Variants in TMC1 observed in about 807,000 individuals in gnomAD.
The protein encoded by TMC1 is transmembrane channel like 1.
Under a neutral mutation model 105.8 loss-of-function variants are expected in TMC1, and 84 were observed. The ratio of observed to expected loss-of-function variants is 0.79; its 90% confidence interval spans 0.67 to 0.95. TMC1 has a LOEUF of 0.95. Among genes scored for constraint, TMC1 ranks in the 40% least tolerant of loss-of-function variants. The pLI is 0.00. For synonymous variants in TMC1, 315 were observed against 311.5 expected (o/e 1.01, Z -0.12); for missense variants, 817 against 914.1 (o/e 0.89, Z 1.37).
chr9:72,673,295 G>T (rs543018964), intron 5 of TMC1, among the ~76,000 whole-genome samples: 1 of 100,130 alleles, frequency 1.0e-5, no homozygotes. Flanking sequence ...GAAGAAACTA[G>T]AAAAACAAAA....
intron 13 of TMC1, among the ~76,000 whole-genome samples, chr9:72,779,639 CA>C (rs763960842): frequency 9.3e-4 from 142 of 152,292 alleles, no homozygotes; most frequent in Non-Finnish European, 1.5e-3. Context: ...AGGAGCAGAA[CA>C]GCCCAAGCTG....
chr9:72,796,445 A>T (rs924700429), intron 17 of TMC1, among the ~76,000 whole-genome samples: 1 of 152,100 alleles, frequency 6.6e-6, no homozygotes, highest in Non-Finnish European at 1.5e-5. Flanking sequence ...GGCCAATATC[A>T]TGAGGCCCAT....
At chr9:72,801,417 A>G (rs1828468216) in intron 17 of TMC1, among the ~76,000 whole-genome samples, 1 of 152,246 alleles carries the variant, frequency 6.6e-6, no homozygotes, top group Non-Finnish European at 1.5e-5. Flanking sequence ...AATTTGCTCA[A>G]GATCTCTGAG....
intron 8 of TMC1, among the ~76,000 whole-genome samples, chr9:72,732,388 C>A (rs1266006096): frequency 1.3e-5 from 2 of 151,952 alleles, no homozygotes; most frequent in East Asian, 3.9e-4. Context: ...AAGGGTGAAA[C>A]CCTGTTTCTA....
chr9:72,731,470 A>G lies in TMC1; in HGVS notation c.363-8649A>G, dbSNP rs575758640. The stretch of plus-strand genomic sequence containing the variant: ...AGAAAATAGGTGTAGGAGAAGAGAA[A>G]GGGTATCTTAGAGAAATGAAACAGC... On this transcript the variant is annotated intron_variant, in intron 8 of 23. Coordinates refer to ENST00000297784, the MANE Select transcript of TMC1 (RefSeq NM_138691.3). Among the ~76,000 whole-genome samples, 32 of 152,354 alleles carry G rather than the reference A, an allele frequency of 2.1e-4. 1 individual carries two copies. The highest frequency in any genetic ancestry group is 7.0e-4 in the African/African-American group (29 of 41,576).
chr9:72,613,106 G>C (rs1159974940), intron 2 of TMC1, among the ~76,000 whole-genome samples: 1 of 149,928 alleles, frequency 6.7e-6, no homozygotes, highest in African/African-American at 2.5e-5. Flanking sequence ...AAAAAGTGGT[G>C]TAAGTTGTGT....
intron 8 of TMC1, among the ~76,000 whole-genome samples, chr9:72,711,449 T>G (rs2117909904): frequency 6.6e-6 from 1 of 152,374 alleles, no homozygotes; most frequent in East Asian, 1.9e-4. Flanking sequence ...GACTTTTTAA[T>G]GATCACCATT....
intron 18 of TMC1, among the ~76,000 whole-genome samples, chr9:72,805,959 C>G (rs544794053): frequency 1.4e-4 from 21 of 152,216 alleles, no homozygotes; most frequent in South Asian, 2.1e-4. Flanking sequence ...TACACAGACA[C>G]GGCAACCATC....
At chr9:72,787,017 C>CAAAA (rs79774726) in intron 13 of TMC1, among the ~76,000 whole-genome samples, 1 of 101,762 alleles carries the variant, frequency 9.8e-6, no homozygotes. Context: ...TTTTGGCCTC[C>CAAAA]AAAAAAAAAA....
intron 4 of TMC1, among the ~76,000 whole-genome samples, chr9:72,629,140 T>C (rs373140947): frequency 6.6e-6 from 1 of 152,210 alleles, no homozygotes. Flanking sequence ...TTTGTTCCAA[T>C]AGGGTCTCAA....
intron 1 of TMC1, among the ~76,000 whole-genome samples, chr9:72,551,881 T>A (rs1374642123): frequency 6.6e-6 from 1 of 152,106 alleles, no homozygotes; most frequent in Non-Finnish European, 1.5e-5. Flanking sequence ...TAGAGTGATG[T>A]GTTTACAAGC....
chr9:72,806,280 C>T (rs1465018584), intron 18 of TMC1, among the ~76,000 whole-genome samples: 2 of 149,872 alleles, frequency 1.3e-5, no homozygotes, highest in Non-Finnish European at 3.0e-5. Flanking sequence ...GGGCTCCTCA[C>T]TTCCCAGTAG....
intron 8 of TMC1, among the ~76,000 whole-genome samples, chr9:72,734,268 G>A (rs138692422): frequency 6.6e-6 from 1 of 152,276 alleles, no homozygotes; most frequent in African/African-American, 2.4e-5. Flanking sequence ...AGATAAGGGG[G>A]AACTACTGTA....
At chr9:72,657,715 C>A (rs962096663) in intron 5 of TMC1, among the ~76,000 whole-genome samples, 2 of 151,940 alleles carry the variant, frequency 1.3e-5, no homozygotes, top group Non-Finnish European at 2.9e-5. Flanking sequence ...TGTCTAATGT[C>A]TTTATAGGTC....
chr9:72,736,769 G>T (rs758988048), intron 8 of TMC1, among the ~76,000 whole-genome samples: 13 of 152,120 alleles, frequency 8.5e-5, no homozygotes, highest in African/African-American at 2.2e-4. Context: ...AGTAAATTCT[G>T]CCGTAACATG....
chr9:72,767,813 C>T (rs915718061), intron 12 of TMC1, among the ~76,000 whole-genome samples: 10 of 152,118 alleles, frequency 6.6e-5, no homozygotes, highest in African/African-American at 1.9e-4. Context: ...GTGCTGATAT[C>T]GAAATTGAAT....
chr9:72,598,006 G>A (rs1404700326), intron 2 of TMC1, among the ~76,000 whole-genome samples: 3 of 152,148 alleles, frequency 2.0e-5, no homozygotes, highest in African/African-American at 7.2e-5. Context: ...GGGACTTTAT[G>A]TGTAACAGTC....
intron 1 of TMC1, among the ~76,000 whole-genome samples, chr9:72,523,376 C>G (rs1405233130): frequency 6.6e-6 from 1 of 152,152 alleles, no homozygotes; most frequent in Non-Finnish European, 1.5e-5. Context: ...TAACTTTTGA[C>G]TACCCTCACA....
rs148625382 is a variant in TMC1, at chr9:72,764,503, G to A, written c.742-7910G>A. On this transcript the variant is annotated intron_variant, in intron 12 of 23. Coordinates refer to ENST00000297784, the MANE Select transcript of TMC1 (RefSeq NM_138691.3). The stretch of plus-strand genomic sequence containing the variant: ...TGTCTCATTTTGTTAAGAGTTTTAT[G>A]CAATTAGACAGTAGGAAAAATTAAA... 2.6e-5 allele frequency among the ~76,000 whole-genome samples: 4 copies of A among 152,180 alleles called. No individual in the cohort carries two copies. The East Asian group carries it at 7.7e-4, about 29-fold the overall frequency.
Sources: gnomAD v4.1 joint callset for allele counts (sites outside exome capture counted in the v4.1 genomes callset) on GRCh38, gnomAD v4.1.1 for gene constraint, MANE v1.5 for transcripts, NCBI Gene and HGNC (gene_info 2026-07-23, HGNC 2026-07-21) for gene names.